Variants in DYNC1H1 observed in about 807,000 individuals in gnomAD.
DYNC1H1 encodes dynein cytoplasmic 1 heavy chain 1, also known as cytoplasmic dynein 1 heavy chain 1.
In DYNC1H1, 51 loss-of-function variants were observed where a neutral mutation model predicts 527.1. The ratio of observed to expected loss-of-function variants is 0.10; its 90% CI spans 0.08 to 0.12. DYNC1H1 has a LOEUF of 0.12. Ranked by LOEUF, DYNC1H1 falls within the 10% of genes least tolerant of loss-of-function variation. The pLI is 1.00. For missense variants in DYNC1H1, 2,771 were observed against 5,971.8 expected (o/e 0.46, Z 17.66); for synonymous variants, 2,189 against 2,278.8 (o/e 0.96, Z 1.12).
intron 34 of DYNC1H1, 148 bp from the exon 35 acceptor site, chr14:102,014,956 CA>C (rs2048303114): frequency 5.9e-6 from 5 of 853,932 alleles, no homozygotes; most frequent in Non-Finnish European, 9.3e-6. Context: ...GCTGCAATTA[CA>C]GGCACACGCC....
chr14:102,045,297 T>C (rs2048702551), intron 72 of DYNC1H1: 1 of 139,932 alleles, frequency 7.1e-6, no homozygotes, highest in African/African-American at 2.7e-5. Flanking sequence ...AGTGAGACTC[T>C]GTCTCAAAAA....
Position 102,049,835 on chromosome 14 carries a change from C to T in DYNC1H1, c.13637C>T (p.Thr4546Ile). The change falls in exon 76 of 78, where the codon ACC (threonine) becomes ATC (isoleucine). Residue 4546 changes from threonine (T) to isoleucine (I), a missense_variant. Coordinates refer to ENST00000360184, the MANE Select transcript of DYNC1H1 (RefSeq NM_001376.5). The surrounding 1 kb of genome is among the most constrained non-coding windows in gnomAD (Gnocchi z 5.5). ...GAGCTCTGCCTGGAAGTCAACGTCA[C>T]CACCTCACAGGGCGCCACCCTTGAC... is the stretch of plus-strand genomic sequence containing the variant. Reference protein sequence around the residue: ...LEELCLEVNVTTSQGATLDAC... With the variant: ...LEELCLEVNVITSQGATLDAC... The T allele has an allele frequency of 6.2e-7, 1 of 1,613,906 alleles. No homozygotes were observed. The highest frequency in any genetic ancestry group is 1.1e-5 in the South Asian group (1 of 91,080).
rs17511935 is a variant in DYNC1H1, at chr14:101,977,761, G to A, written c.345-1558G>A. ...TGCACACCAATAGCTTCATGGAACT[G>A]TTGGGTTTGCCTGATGTTTAGATTC... On this transcript the variant is annotated intron_variant, in intron 2 of 77. Transcript: ENST00000360184. Among the ~76,000 whole-genome samples, 231 of 152,346 alleles carry A rather than the reference G, an allele frequency of 1.5e-3. 1 individual carries two copies. Among genetic ancestry groups the A allele is most frequent in the African/African-American group, 5.2e-3 (218 of 41,592 alleles).
At position 101,983,627 on chromosome 14, in the gene DYNC1H1, A is replaced by C; in HGVS notation, c.1461+18A>C. On this transcript the variant is annotated intron_variant, in intron 7 of 77. Coordinates refer to ENST00000360184, the MANE Select transcript of DYNC1H1 (RefSeq NM_001376.5). This position sits in a 1 kb window ranked among gnomAD's most constrained non-coding sequence, Gnocchi z 5.3. ...GGCCACAGGTAAGATTTGCATTCTA[A>C]AAGTTTGTGTTTTGTTTTTGTTTTT... 1 of 1,610,946 alleles carries C rather than the reference A, an allele frequency of 6.2e-7. No homozygotes were observed. The highest frequency in any genetic ancestry group is 8.5e-7 in the Non-Finnish European group (1 of 1,178,242).
intron 18 of DYNC1H1, 60 bp from the exon 19 acceptor site, chr14:102,000,894 T>G: frequency 6.7e-7 from 1 of 1,495,388 alleles, no homozygotes; most frequent in Non-Finnish European, 9.3e-7. Flanking sequence ...TTTAAAGAAA[T>G]ATTTCACCAT....
In DYNC1H1 at chr14:101,965,851, G is replaced by C. The variant is rs1347597165; in HGVS notation, c.256+904G>C. Among the ~76,000 whole-genome samples, 1 of 151,528 alleles carries C rather than the reference G, an allele frequency of 6.6e-6. No homozygotes were observed. The highest frequency in any genetic ancestry group is 1.5e-5 in the Non-Finnish European group (1 of 67,958). On this transcript the variant is annotated intron_variant, in intron 1 of 77. Transcript: ENST00000360184. The surrounding 1 kb of genome is among the most constrained non-coding windows in gnomAD (Gnocchi z 4.1). ...AAAAAAGATTCAGGTTAGGCACCTAGTAGGGGGAAGAGGCTAGAGTTAGCG... is the reference window on the plus strand; with the variant it reads ...AAAAAAGATTCAGGTTAGGCACCTACTAGGGGGAAGAGGCTAGAGTTAGCG...
In DYNC1H1 at chr14:102,027,083, A is replaced by G. The variant is rs1047445547; in HGVS notation, c.8772-91A>G. The stretch of plus-strand genomic sequence containing the variant: ...TTAATATACAAGTTCAAGTTAAAAC[A>G]TGTCCAAAATACTGTAGACACTAGA... On this transcript the variant is annotated intron_variant, in intron 44 of 77. Transcript: ENST00000360184. This position sits in a 1 kb window ranked among gnomAD's most constrained non-coding sequence, Gnocchi z 7.7. 1 of 1,392,464 alleles carries G rather than the reference A, an allele frequency of 7.2e-7. No individual in the cohort carries two copies. Among genetic ancestry groups the G allele is most frequent in the Middle Eastern group, 2.1e-4 (1 of 4,698 alleles). 86.3% of individuals were successfully genotyped at this position (1,392,464 alleles called of 1,614,324 possible).
At position 102,044,265 on chromosome 14, in the gene DYNC1H1, C is replaced by T. The variant is rs1226238990; in HGVS notation, c.12685-9C>T. 3 of 1,613,848 alleles carry T rather than the reference C, an allele frequency of 1.9e-6. No individual in the cohort carries two copies. The highest frequency in any genetic ancestry group is 1.3e-5 in the African/African-American group (1 of 75,052). ...ACCACACACACGAACCCTGCTTTTC[C>T]TCCCCCAGGGCAGGCAGAACATCTC... On this transcript the variant is annotated splice_polypyrimidine_tract_variant and intron_variant, in intron 70 of 77. Transcript: ENST00000360184. This position sits in a 1 kb window ranked among gnomAD's most constrained non-coding sequence, Gnocchi z 7.1.
rs1364774325 is a variant in DYNC1H1, at chr14:102,015,813, G to T, written c.7243-43G>T. On this transcript the variant is annotated intron_variant, in intron 35 of 77. Transcript: ENST00000360184. The surrounding 1 kb of genome is among the most constrained non-coding windows in gnomAD (Gnocchi z 6.9). Reference sequence around the variant, plus strand: ...AGGTTAGAATCGATGAAACTCGCCTGCCTTTTGAAAGATAGTTAAGTATCA... The same window carrying T: ...AGGTTAGAATCGATGAAACTCGCCTTCCTTTTGAAAGATAGTTAAGTATCA... The T allele has an allele frequency of 6.2e-7, 1 of 1,607,054 alleles. No individual in the cohort carries two copies. The highest frequency in any genetic ancestry group is 2.2e-5 in the East Asian group (1 of 44,788).
At chr14:102,047,034 A>T (rs1336221542) in intron 72 of DYNC1H1, among the ~76,000 whole-genome samples, 1 of 152,036 alleles carries the variant, frequency 6.6e-6, no homozygotes, top group Non-Finnish European at 1.5e-5. Flanking sequence ...AGCTCTAGAG[A>T]TGCTCCCGCT....
rs752552417 is a variant in DYNC1H1, at chr14:102,012,266, T to A, written c.6858-48T>A. On this transcript the variant is annotated intron_variant, in intron 33 of 77. Transcript: ENST00000360184. This position sits in a 1 kb window ranked among gnomAD's most constrained non-coding sequence, Gnocchi z 4.9. ...CATCATCGGTAAACATGCCTAATGT[T>A]AAAATCTTGATTTAATCAGCAGCTA... is the stretch of plus-strand genomic sequence containing the variant. The A allele has an allele frequency of 1.2e-6, 2 of 1,614,156 alleles. No individual in the cohort carries two copies. The highest frequency in any genetic ancestry group is 1.7e-6 in the Non-Finnish European group (2 of 1,180,008).
At chr14:101,995,483 T>TA (rs1177521220) in intron 15 of DYNC1H1, among the ~76,000 whole-genome samples, 183 bp downstream of exon 15, 1 of 151,884 alleles carries the variant, frequency 6.6e-6, no homozygotes, top group Non-Finnish European at 1.5e-5. Flanking sequence ...TGGTGGCGGG[T>TA]ACCTGTGGTC....
chr14:102,038,321 T>G lies in DYNC1H1; in HGVS notation c.10909-139T>G. The stretch of plus-strand genomic sequence containing the variant: ...TCATTTAAATGTAAGTAGCCACACA[T>G]AGCTAGTGGCCACCACACGCAAGTG... On this transcript the variant is annotated intron_variant, in intron 57 of 77. Transcript: ENST00000360184. The surrounding 1 kb of genome is among the most constrained non-coding windows in gnomAD (Gnocchi z 7.2). 1 of 1,373,858 alleles carries G rather than the reference T, an allele frequency of 7.3e-7. No homozygotes were observed. Among genetic ancestry groups the G allele is most frequent in the South Asian group, 1.2e-5 (1 of 81,352 alleles). The allele number at this position is 1,373,858 out of a possible 1,614,324, so 85.1% of individuals were successfully genotyped here. A position where few individuals can be genotyped will look rare whatever the true frequency, so the allele number is the denominator to read the frequency against.
chr14:101,965,739 G>C lies in DYNC1H1; in HGVS notation c.256+792G>C, dbSNP rs780890589. Among the ~76,000 whole-genome samples the C allele has an allele frequency of 6.6e-6, 1 of 151,234 alleles. No individual in the cohort carries two copies. The highest frequency in any genetic ancestry group is 1.5e-5 in the Non-Finnish European group (1 of 67,960). On this transcript the variant is annotated intron_variant, in intron 1 of 77. Transcript: ENST00000360184. The surrounding 1 kb of genome is among the most constrained non-coding windows in gnomAD (Gnocchi z 4.1). ...TCCCCATCCACTGCTTGTTTTCACT[G>C]ATCATACCTCATATTTGTTTAATGC...
chr14:101,967,487 A>AT (rs2047681610), intron 1 of DYNC1H1, among the ~76,000 whole-genome samples: 1 of 152,144 alleles, frequency 6.6e-6, no homozygotes, highest in Non-Finnish European at 1.5e-5. Flanking sequence ...AACTATATAT[A>AT]TTTTTTATTT....
intron 16 of DYNC1H1, among the ~76,000 whole-genome samples, chr14:101,998,879 C>CTTTTTTTTTTTTTTTT (rs888317854): frequency 5.2e-5 from 6 of 115,220 alleles, no homozygotes; most frequent in East Asian, 5.0e-4. Flanking sequence ...AAAACTTTTT[C>CTTTTTTTTTTTTTTTT]TTTTTTTTTT....
chr14:102,000,449 CTTTA>C (rs1277103999), intron 18 of DYNC1H1, 50 bp downstream of exon 18: 9 of 1,574,260 alleles, frequency 5.7e-6, no homozygotes, highest in African/African-American at 1.4e-5. Context: ...CAGTTACAGA[CTTTA>C]TTTAGGAACG....
In DYNC1H1 at chr14:102,053,439, GTTTT is replaced by G. The variant is rs1478974555; in HGVS notation, c.*2879_*2882del. On this transcript the variant is annotated 3_prime_UTR_variant, in exon 78 of 78. Transcript: ENST00000360184. Reference sequence around the variant, plus strand: ...ACCACGCCTGGCCGAATTTTTATTTGTTTTTTGTTTGTTTTTGTTTTTTTTAAAA... The same window carrying G: ...ACCACGCCTGGCCGAATTTTTATTTGTTGTTTGTTTTTGTTTTTTTTAAAA... 2 of 148,386 alleles carry G rather than the reference GTTTT, an allele frequency of 1.3e-5. No individual in the cohort carries two copies. The highest frequency in any genetic ancestry group is 1.5e-5 in the Non-Finnish European group (1 of 66,994). The allele number at this position is 148,386 out of a possible 1,614,324, so 9.2% of individuals were successfully genotyped here.
chr14:102,047,639 G>GTACATATATATATATATA (rs1287359925), intron 72 of DYNC1H1, 178 bp from the exon 73 acceptor site: 3 of 352,000 alleles, frequency 8.5e-6, no homozygotes, highest in Admixed American at 9.0e-5. Context: ...GTGTGTGTGT[G>GTACATATATATATATATA]TGTATATATA....
Sources: allele counts gnomAD v4.1 joint callset (sites outside exome capture counted in the v4.1 genomes callset), GRCh38; gene constraint gnomAD v4.1.1; non-coding constraint Gnocchi (gnomAD v3.1); transcripts MANE v1.5; gene names NCBI Gene and HGNC (gene_info 2026-07-23, HGNC 2026-07-21).